Variants in DPP8 observed in about 807,000 individuals in gnomAD.
DPP8 encodes the protein dipeptidyl peptidase 8, also known as DPP VIII.
A neutral mutation model predicts 107.5 loss-of-function variants in DPP8; 31 were observed. The ratio of observed to expected loss-of-function variants is 0.29; its 90% CI spans 0.22 to 0.39. The LOEUF is 0.39. Among genes scored for constraint, DPP8 ranks in the 10% least tolerant of loss-of-function variants. The pLI is 1.00. For missense variants in DPP8, 842 were observed against 1,076.1 expected, an observed-to-expected ratio of 0.78 and a Z score of 3.04; for synonymous variants, 381 against 356.6, an observed-to-expected ratio of 1.07 and a Z score of -0.77.
Position 65,452,121 on chromosome 15 carries a change from AC to A in DPP8, c.2272-20del. 5.6e-6 allele frequency: 9 copies of A among 1,596,410 alleles called. 1 individual carries two copies. The South Asian group carries it at 1.0e-4, about 18-fold the overall frequency. On this transcript the variant is annotated intron_variant, in intron 17 of 19. Coordinates refer to ENST00000300141, the MANE Select transcript of DPP8 (RefSeq NM_130434.5). Reference sequence around the variant, plus strand: ...TAGCAACCTGCATAAGATGACATTGACAGTCAAGTGTGGTCTGGAAAAAGAG... The same window carrying A: ...TAGCAACCTGCATAAGATGACATTGAAGTCAAGTGTGGTCTGGAAAAAGAG...
chr15:65,500,843 G>A, intron 3 of DPP8, 64 bp from the exon 4 acceptor site: 2 of 904,072 alleles, frequency 2.2e-6, no homozygotes, highest in Non-Finnish European at 3.3e-6. Context: ...TTTTAGCACT[G>A]AAATCCTAGA....
intron 15 of DPP8, among the ~76,000 whole-genome samples, chr15:65,460,996 T>C (rs942324037): frequency 6.6e-6 from 1 of 152,206 alleles, no homozygotes; most frequent in Non-Finnish European, 1.5e-5. Flanking sequence ...CAGCACTTAA[T>C]ATTTTCCTCT....
chr15:65,456,658 T>C (rs1272109776), intron 15 of DPP8, among the ~76,000 whole-genome samples: 1 of 152,190 alleles, frequency 6.6e-6, no homozygotes, highest in Non-Finnish European at 1.5e-5. Context: ...AGTTACTAAA[T>C]TGATTACTTC....
chr15:65,498,416 A>G (rs983905696), intron 4 of DPP8, among the ~76,000 whole-genome samples: 6 of 151,716 alleles, frequency 4.0e-5, no homozygotes, highest in Admixed American at 6.6e-5. Context: ...AGTGAGACTC[A>G]GTATCAGGAA....
At chr15:65,509,230 T>C (rs958654413) in intron 2 of DPP8, among the ~76,000 whole-genome samples, 2 of 152,242 alleles carry the variant, frequency 1.3e-5, no homozygotes, top group African/African-American at 4.8e-5. Context: ...TGTGGTCACC[T>C]ATCAATACCA....
intron 10 of DPP8, among the ~76,000 whole-genome samples, chr15:65,479,722 T>C (rs2066725790): frequency 6.6e-6 from 1 of 151,570 alleles, no homozygotes; most frequent in Non-Finnish European, 1.5e-5. Context: ...CGGGCGCCTG[T>C]AGTCCCAGCT....
At position 65,504,149 on chromosome 15, in the gene DPP8, G is replaced by C. The variant is rs1437192333; in HGVS notation, c.372+3094C>G. ...AGGCTGAGGTGGGAGGATCACCTGAGGTCGGAAGTTCAAGACCAGCCTGAC... is the reference window on the plus strand; with the variant it reads ...AGGCTGAGGTGGGAGGATCACCTGACGTCGGAAGTTCAAGACCAGCCTGAC... On this transcript the variant is annotated intron_variant, in intron 3 of 19. Coordinates refer to ENST00000300141, the MANE Select transcript of DPP8 (RefSeq NM_130434.5). Among the ~76,000 whole-genome samples, 4 of 150,386 alleles carry C rather than the reference G, an allele frequency of 2.7e-5. No individual in the cohort carries two copies. The South Asian group carries it at 6.3e-4, about 24-fold the overall frequency.
intron 11 of DPP8, among the ~76,000 whole-genome samples, chr15:65,478,416 C>T (rs1053263298): frequency 6.6e-5 from 10 of 152,112 alleles, no homozygotes; most frequent in South Asian, 2.1e-4. Context: ...CACACCACCA[C>T]GCCCGGATCA....
chr15:65,451,851 G>T (rs1487293539), intron 18 of DPP8, 109 bp downstream of exon 18: 6 of 1,139,394 alleles, frequency 5.3e-6, no homozygotes, highest in Non-Finnish European at 7.1e-6. Context: ...TCTGAGCCCA[G>T]GAGTTTGACG....
At chr15:65,467,361 A>AACCTGAGTTAATTTTGCTT (rs1211063275) in intron 12 of DPP8, 138 bp from the exon 13 acceptor site, 3 of 762,938 alleles carry the variant, frequency 3.9e-6, no homozygotes, top group Non-Finnish European at 6.2e-6. Flanking sequence ...ACTATTAATA[A>AACCTGAGTTAATTTTGCTT]ACCTGAGTTA....
rs115920590 is a variant in DPP8 at position 65,480,853 on chromosome 15, T to C, written c.1119-454A>G. Among the ~76,000 whole-genome samples, 1,153 of 152,236 alleles carry C rather than the reference T, an allele frequency of 7.6e-3. 14 individuals are homozygous for C. The highest frequency in any genetic ancestry group is 0.026 in the African/African-American group (1,100 of 41,546). On this transcript the variant is annotated intron_variant, in intron 9 of 19. Transcript: ENST00000300141. Reference sequence around the variant, plus strand: ...GGTTCACACCTGTAATCTCAGCACGTTGGGAGGCCGAGACAAGAGGATCAT... The same window carrying C: ...GGTTCACACCTGTAATCTCAGCACGCTGGGAGGCCGAGACAAGAGGATCAT...
intron 8 of DPP8, among the ~76,000 whole-genome samples, chr15:65,484,733 G>A (rs561877046): frequency 6.6e-6 from 1 of 151,740 alleles, no homozygotes; most frequent in African/African-American, 2.4e-5. Flanking sequence ...TAAGCACTTG[G>A]CTGTCGAAAT....
chr15:65,496,640 T>C (rs1471257443), intron 5 of DPP8, among the ~76,000 whole-genome samples: 2 of 152,082 alleles, frequency 1.3e-5, no homozygotes, highest in African/African-American at 4.8e-5. Context: ...AAGTAGGCTC[T>C]CCAAAACTGA....
intron 5 of DPP8, among the ~76,000 whole-genome samples, chr15:65,493,185 G>A (rs1168317832): frequency 6.6e-6 from 1 of 152,052 alleles, no homozygotes; most frequent in Non-Finnish European, 1.5e-5. Context: ...CTGGGTTCAA[G>A]CGATTCTCCT....
chr15:65,516,633 CAGAAAT>C (rs1057375779), intron 1 of DPP8: 3 of 152,166 alleles, frequency 2.0e-5, no homozygotes, highest in Non-Finnish European at 4.4e-5. Context: ...GCCCCTCACT[CAGAAAT>C]AGAGCATGTT....
In DPP8 at chr15:65,485,149, G is replaced by A. The variant is rs778921944; in HGVS notation, c.967C>T (p.Pro323Ser). 4 of 1,605,860 alleles carry A rather than the reference G, an allele frequency of 2.5e-6. No homozygotes were observed. In the Admixed American group the frequency reaches 5.0e-5, roughly 20 times the overall value. ...FRYPKTGTAN[P>S]KVTFKMSEIM... ...TCTGACATCTTAAAAGTGACTTTAGGATTTGCTGTACCTTTAGAAAGAGAC... is the reference window on the plus strand; with the variant it reads ...TCTGACATCTTAAAAGTGACTTTAGAATTTGCTGTACCTTTAGAAAGAGAC... The change falls in exon 8 of 20, where the codon CCT (proline) becomes TCT (serine). Residue 323 changes from proline to serine, a missense_variant. Around this residue, in one of 2 missense-constraint regions of DPP8, gnomAD observed 663 missense variants for 758.0 expected, o/e 0.87. Coordinates refer to ENST00000300141, the MANE Select transcript of DPP8 (RefSeq NM_130434.5).
At chr15:65,512,677 CT>C in intron 1 of DPP8, 113 bp from the exon 2 acceptor site, 1 of 1,034,056 alleles carries the variant, frequency 9.7e-7, no homozygotes, top group Non-Finnish European at 1.4e-6. Flanking sequence ...GAAAAAAATG[CT>C]TTTTAGCACA....
intron 16 of DPP8, chr15:65,455,699 C>T (rs1208452924): frequency 4.7e-5 from 57 of 1,215,004 alleles, no homozygotes; most frequent in Middle Eastern, 2.3e-4. Flanking sequence ...GGGAGAAAAT[C>T]CCCATGTCTT....
At chr15:65,457,461 C>T (rs547373845) in intron 15 of DPP8, among the ~76,000 whole-genome samples, 1 of 152,042 alleles carries the variant, frequency 6.6e-6, no homozygotes, top group East Asian at 1.9e-4. Context: ...AATTCCTGGG[C>T]TCAAGTGATC....
Sources: gnomAD v4.1 joint callset for allele counts (sites outside exome capture counted in the v4.1 genomes callset) on GRCh38, gnomAD v4.1.1 for gene constraint, gnomAD v4.1.1 regional missense constraint, MANE v1.5 for transcripts, NCBI Gene and HGNC (gene_info 2026-07-23, HGNC 2026-07-21) for gene names.